The following ATP9B variants were observed in gnomAD, a reference collection of about 807,000 sequenced individuals.
ATP9B encodes the protein ATPase phospholipid transporting 9B.
ATP9B carries 110 observed loss-of-function variants against 146.1 expected under a neutral mutation model. The observed-to-expected ratio is 0.75, with a 90% CI of 0.65 to 0.88. The LOEUF (loss-of-function observed/expected upper bound fraction) is 0.88, where lower values mean the gene tolerates loss of function less well. ATP9B is among the 40% of genes least tolerant of loss of function. The pLI is 0.00. For synonymous variants in ATP9B, 604 were observed against 569.7 expected (o/e 1.06, Z -0.86); for missense variants, 1,499 against 1,496.4 (o/e 1.00, Z -0.03).
intron 9 of ATP9B, among the ~76,000 whole-genome samples, chr18:79,201,921 G>T (rs2095492563): frequency 6.6e-6 from 1 of 152,118 alleles, no homozygotes; most frequent in Non-Finnish European, 1.5e-5. Context: ...TACAGCTGGA[G>T]CACGCCTGTA....
intron 1 of ATP9B, among the ~76,000 whole-genome samples, chr18:79,084,182 A>G (rs1434501230): frequency 6.6e-6 from 1 of 151,472 alleles, no homozygotes; most frequent in Non-Finnish European, 1.5e-5. Flanking sequence ...GAATATTCAT[A>G]GATAAATGTA....
intron 15 of ATP9B, among the ~76,000 whole-genome samples, chr18:79,323,467 T>C (rs568212317): frequency 1.3e-4 from 20 of 152,316 alleles, no homozygotes; most frequent in East Asian, 1.2e-3. Context: ...CCCGATATCC[T>C]TCCCGGACTC....
At chr18:79,236,612 GT>G (rs2095843513) in intron 11 of ATP9B, among the ~76,000 whole-genome samples, 1 of 152,210 alleles carries the variant, frequency 6.6e-6, no homozygotes, top group Non-Finnish European at 1.5e-5. Context: ...ATAAGAAGAA[GT>G]AGGGACCCAG....
At chr18:79,208,201 C>T (rs564307973) in intron 10 of ATP9B, among the ~76,000 whole-genome samples, 84 of 152,258 alleles carry the variant, frequency 5.5e-4, no homozygotes, top group Middle Eastern at 3.4e-3. Context: ...ACCGAGATCG[C>T]GCCACTGCAC....
At chr18:79,201,922 C>T (rs2148289151) in intron 9 of ATP9B, among the ~76,000 whole-genome samples, 1 of 152,166 alleles carries the variant, frequency 6.6e-6, no homozygotes, top group Non-Finnish European at 1.5e-5. Context: ...ACAGCTGGAG[C>T]ACGCCTGTAG....
At chr18:79,259,113 T>C (rs1039389260) in intron 12 of ATP9B, among the ~76,000 whole-genome samples, 2 of 152,236 alleles carry the variant, frequency 1.3e-5, no homozygotes, top group Non-Finnish European at 2.9e-5. Flanking sequence ...AAAATTCCTC[T>C]GTATGAAGTA....
intron 9 of ATP9B, among the ~76,000 whole-genome samples, chr18:79,202,939 G>A (rs116641632): frequency 0.016 from 2,416 of 152,254 alleles, 67 homozygotes; most frequent in African/African-American, 0.056. Flanking sequence ...GTTTTTTAAT[G>A]CCCTTATTCT....
At chr18:79,327,669 T>C (rs1308342978) in intron 15 of ATP9B, among the ~76,000 whole-genome samples, 4 of 143,694 alleles carry the variant, frequency 2.8e-5, no homozygotes, top group African/African-American at 1.1e-4. Flanking sequence ...TTTAGCGTGC[T>C]CTCCGTGGTT....
intron 6 of ATP9B, among the ~76,000 whole-genome samples, chr18:79,151,399 C>A (rs1057113805): frequency 6.6e-6 from 1 of 152,096 alleles, no homozygotes; most frequent in Non-Finnish European, 1.5e-5. Flanking sequence ...GTTACCCACC[C>A]ATTTGGGTGT....
chr18:79,209,922 G>A (rs1163710235), intron 10 of ATP9B, among the ~76,000 whole-genome samples: 1 of 152,116 alleles, frequency 6.6e-6, no homozygotes, highest in African/African-American at 2.4e-5. Flanking sequence ...TGTATTCTTT[G>A]TAATTGATTA....
intron 1 of ATP9B, among the ~76,000 whole-genome samples, chr18:79,094,404 TCA>T (rs1391736822): frequency 6.6e-6 from 1 of 152,208 alleles, no homozygotes; most frequent in Non-Finnish European, 1.5e-5. Flanking sequence ...GGGTTTTCTC[TCA>T]GAGTTTTAGC....
rs2096828824 is a variant in ATP9B at position 79,336,648 on chromosome 18, A to G, written c.2049A>G (p.Glu683=). The G allele has an allele frequency of 6.2e-7, 1 of 1,610,390 alleles. No homozygotes were observed. The highest frequency in any genetic ancestry group is 8.5e-7 in the Non-Finnish European group (1 of 1,178,512). The stretch of plus-strand genomic sequence containing the variant: ...TCCAGTGCGGAAACATGGCTCGCGA[A>G]GGACTGCGGACCCTCGTGGTTGCAA... ...LEEECGNMAR[E]GLRTLVVAKK... is the part of the protein sequence containing the mutation. Residue 683 remains glutamate (E), a synonymous_variant, in exon 18 of 30, where the codon GAA becomes GAG. Transcript: ENST00000426216.
intron 13 of ATP9B, among the ~76,000 whole-genome samples, chr18:79,303,056 T>C (rs1362674461): frequency 6.6e-6 from 1 of 152,216 alleles, no homozygotes; most frequent in Non-Finnish European, 1.5e-5. Context: ...TTTCTTCATA[T>C]AACTAGAGCC....
At chr18:79,261,768 T>C (rs1278856263) in intron 12 of ATP9B, among the ~76,000 whole-genome samples, 4 of 152,206 alleles carry the variant, frequency 2.6e-5, no homozygotes, top group African/African-American at 9.6e-5. Context: ...GCTACTGTTT[T>C]GCTTGTAAGA....
rs555970227 is a variant in ATP9B, at chr18:79,141,503, GA to G, written c.668-2292del. Among the ~76,000 whole-genome samples, 6 of 152,146 alleles carry G rather than the reference GA, an allele frequency of 3.9e-5. No individual in the cohort carries two copies. In the South Asian group the frequency reaches 6.2e-4, roughly 16 times the overall value. The stretch of plus-strand genomic sequence containing the variant: ...AGTATATTGAATAGGATAGTTTTAA[GA>G]AAAAAATATGTCATTAGATTTAAAT... On this transcript the variant is annotated intron_variant, in intron 5 of 29. Transcript: ENST00000426216.
intron 11 of ATP9B, among the ~76,000 whole-genome samples, chr18:79,231,396 G>A (rs1394075301): frequency 6.6e-6 from 1 of 152,146 alleles, no homozygotes; most frequent in Non-Finnish European, 1.5e-5. Context: ...ATGAAAAAAT[G>A]TGCAACATCA....
At chr18:79,076,673 C>T (rs1189432523) in intron 1 of ATP9B, among the ~76,000 whole-genome samples, 2 of 152,048 alleles carry the variant, frequency 1.3e-5, no homozygotes, top group African/African-American at 4.8e-5. Flanking sequence ...GCTTAGTATC[C>T]TAATTCTATA....
intron 5 of ATP9B, among the ~76,000 whole-genome samples, chr18:79,134,498 C>G (rs772143125): frequency 6.6e-6 from 1 of 152,134 alleles, no homozygotes; most frequent in Non-Finnish European, 1.5e-5. Context: ...GGTGAGCACT[C>G]AGTGAACTGC....
intron 13 of ATP9B, among the ~76,000 whole-genome samples, chr18:79,288,176 A>G (rs374203064): frequency 6.7e-6 from 1 of 149,930 alleles, no homozygotes; most frequent in South Asian, 2.1e-4. Flanking sequence ...TATCCTTGTT[A>G]ACTTTCTGTC....
Sources: gnomAD v4.1 joint callset for allele counts (sites outside exome capture counted in the v4.1 genomes callset) on GRCh38, gnomAD v4.1.1 for gene constraint, MANE v1.5 for transcripts, NCBI Gene and HGNC (gene_info 2026-07-23, HGNC 2026-07-21) for gene names.